ARK2C: variants seen among roughly 807,000 people sequenced by gnomAD.
The protein encoded by ARK2C is E3 ubiquitin-protein ligase ARK2C.
At chr18:46,442,415 G>A in the ARK2C span, among the ~76,000 whole-genome samples, 1 of 151,964 alleles carries the variant, frequency 6.6e-6, no homozygotes, top group Non-Finnish European at 1.5e-5. Flanking sequence ...TTTGACCCTG[G>A]GTAATTTAGA....
the ARK2C span, among the ~76,000 whole-genome samples, chr18:46,408,862 T>C: frequency 1.1e-3 from 160 of 152,324 alleles, 1 homozygote; most frequent in East Asian, 5.8e-4. Flanking sequence ...GTGGTACTGT[T>C]ATCTGTTTTC....
the ARK2C span, among the ~76,000 whole-genome samples, chr18:46,436,108 C>A: frequency 6.6e-6 from 1 of 152,148 alleles, no homozygotes; most frequent in African/African-American, 2.4e-5. Context: ...CATAAGAGAG[C>A]TGATATTAAC....
chr18:46,377,031 G>A, the ARK2C span, among the ~76,000 whole-genome samples: 1 of 152,162 alleles, frequency 6.6e-6, no homozygotes, highest in Admixed American at 6.5e-5. Context: ...CCCTACCTCA[G>A]GGAGTGGTCA....
the ARK2C span, among the ~76,000 whole-genome samples, chr18:46,447,071 T>G: frequency 3.3e-5 from 5 of 152,242 alleles, no homozygotes; most frequent in Non-Finnish European, 7.3e-5. Context: ...CAAAATGAAT[T>G]TTTCTATATT....
chr18:46,383,041 G>A, the ARK2C span, among the ~76,000 whole-genome samples: 8 of 152,344 alleles, frequency 5.3e-5, no homozygotes, highest in Admixed American at 2.6e-4. Context: ...GGCCAGCTTG[G>A]CCAGATCATG....
chr18:46,415,171 A>C, the ARK2C span, among the ~76,000 whole-genome samples: 1 of 152,090 alleles, frequency 6.6e-6, no homozygotes, highest in Non-Finnish European at 1.5e-5. Flanking sequence ...TTTGACTGAC[A>C]CTCATCGAAA....
the ARK2C span, among the ~76,000 whole-genome samples, chr18:46,407,102 C>T: frequency 2.9e-4 from 44 of 152,314 alleles, no homozygotes; most frequent in African/African-American, 1.0e-3. Context: ...AAATTGCATC[C>T]TACCACACAA....
chr18:46,442,816 T>C, the ARK2C span, among the ~76,000 whole-genome samples: 426 of 152,314 alleles, frequency 2.8e-3, 4 homozygotes, highest in African/African-American at 9.9e-3. Context: ...TTCACTTATT[T>C]TGACTTATAT....
chr18:46,374,298 G>A, the ARK2C span, among the ~76,000 whole-genome samples: 1 of 152,196 alleles, frequency 6.6e-6, no homozygotes, highest in Admixed American at 6.5e-5. Flanking sequence ...ACCATTAAGT[G>A]CCACAGTTTA....
At chr18:46,391,211 A>G in the ARK2C span, among the ~76,000 whole-genome samples, 1 of 152,182 alleles carries the variant, frequency 6.6e-6, no homozygotes, top group Admixed American at 6.5e-5. Flanking sequence ...TCATGGGTTC[A>G]TTTCACATGA....
the ARK2C span, among the ~76,000 whole-genome samples, chr18:46,432,802 G>A: frequency 6.6e-6 from 1 of 151,946 alleles, no homozygotes; most frequent in South Asian, 2.1e-4. Context: ...AAAATTAGCC[G>A]GGCGCGGTGG....
the ARK2C span, among the ~76,000 whole-genome samples, chr18:46,416,430 C>G: frequency 2.0e-5 from 3 of 152,220 alleles, no homozygotes; most frequent in African/African-American, 7.2e-5. Context: ...CCTGAGGGTG[C>G]TCTGGGTGTT....
At chr18:46,356,410 G>C in the ARK2C span, among the ~76,000 whole-genome samples, 1 of 152,106 alleles carries the variant, frequency 6.6e-6, no homozygotes, top group African/African-American at 2.4e-5. Context: ...TGGAGTGGGG[G>C]TGGGGAGGTG....
At chr18:46,398,055 GGT>G in the ARK2C span, among the ~76,000 whole-genome samples, 2 of 140,078 alleles carry the variant, frequency 1.4e-5, no homozygotes, top group East Asian at 2.2e-4. Flanking sequence ...GTGTACCTGT[GGT>G]GTGTGTGTGT....
the ARK2C span, among the ~76,000 whole-genome samples, chr18:46,356,552 G>A: frequency 2.0e-5 from 3 of 152,112 alleles, no homozygotes; most frequent in African/African-American, 4.8e-5. Context: ...GTTGTCCTGG[G>A]CAGGCACGGA....
At chr18:46,381,221 C>T in the ARK2C span, among the ~76,000 whole-genome samples, 7 of 152,384 alleles carry the variant, frequency 4.6e-5, no homozygotes, top group East Asian at 1.3e-3. Flanking sequence ...CCTTTGTCTT[C>T]TGTGGCCAAA....
At chr18:46,422,609 C>T in the ARK2C span, among the ~76,000 whole-genome samples, 1 of 152,242 alleles carries the variant, frequency 6.6e-6, no homozygotes, top group African/African-American at 2.4e-5. Context: ...TCCCCCCGAC[C>T]GAGGTCCAGC....
the ARK2C span, among the ~76,000 whole-genome samples, chr18:46,414,305 C>T: frequency 6.6e-6 from 1 of 152,224 alleles, no homozygotes; most frequent in Non-Finnish European, 1.5e-5. Context: ...TGTTGGTAAA[C>T]AGCAGATGTT....
At chr18:46,455,774 G>A in the ARK2C span, among the ~76,000 whole-genome samples, 1 of 152,206 alleles carries the variant, frequency 6.6e-6, no homozygotes. Flanking sequence ...GGTGGAAGTT[G>A]CAGTGAGCCA....
Sources: allele counts gnomAD v4.1 joint callset (sites outside exome capture counted in the v4.1 genomes callset), GRCh38; gene constraint gnomAD v4.1.1; transcripts MANE v1.5; gene names NCBI Gene and HGNC (gene_info 2026-07-23, HGNC 2026-07-21).